Variants in GRIN2A observed in about 807,000 individuals in gnomAD.
GRIN2A encodes glutamate ionotropic receptor NMDA type subunit 2A.
Under a neutral mutation model 113.4 loss-of-function variants are expected in GRIN2A, and 22 were observed. The ratio of observed to expected loss-of-function variants is 0.19; its 90% CI spans 0.14 to 0.28. The LOEUF is 0.28. Among genes scored for constraint, GRIN2A ranks in the 10% least tolerant of loss-of-function variants. The pLI is 1.00. For synonymous variants in GRIN2A, 827 were observed against 738.4 expected, an observed-to-expected ratio of 1.12 and a Z score of -1.94; for missense variants, 1,502 against 1,887.0, an observed-to-expected ratio of 0.80 and a Z score of 3.78.
At chr16:9,813,080 G>A (rs543159651) in intron 10 of GRIN2A, among the ~76,000 whole-genome samples, 1 of 152,348 alleles carries the variant, frequency 6.6e-6, no homozygotes, top group Admixed American at 6.5e-5. Context: ...AAGCTGTCCT[G>A]TAATAACCGT....
intron 3 of GRIN2A, among the ~76,000 whole-genome samples, chr16:9,896,240 G>A (rs1405594215): frequency 2.6e-5 from 4 of 152,160 alleles, no homozygotes; most frequent in Non-Finnish European, 5.9e-5. Context: ...AGTAGAGACA[G>A]GGTTGCACCA....
chr16:9,962,657 T>C (rs552849186), intron 2 of GRIN2A, among the ~76,000 whole-genome samples: 110 of 152,302 alleles, frequency 7.2e-4, no homozygotes, highest in African/African-American at 2.6e-3. Flanking sequence ...ATTTTTACAC[T>C]GTTGGTGGGA....
chr16:10,100,147 C>T (rs8055814), intron 2 of GRIN2A, among the ~76,000 whole-genome samples: 12 of 152,160 alleles, frequency 7.9e-5, no homozygotes, highest in Non-Finnish European at 1.5e-4. Context: ...GCAGGTGAGA[C>T]GTGGGGCTCC....
At chr16:9,958,147 G>A (rs887906507) in intron 2 of GRIN2A, among the ~76,000 whole-genome samples, 1 of 152,164 alleles carries the variant, frequency 6.6e-6, no homozygotes, top group Non-Finnish European at 1.5e-5. Flanking sequence ...TTCTGCATAA[G>A]CGACTGTGAG....
At chr16:10,165,843 A>G (rs1215522288) in intron 2 of GRIN2A, among the ~76,000 whole-genome samples, 1 of 151,816 alleles carries the variant, frequency 6.6e-6, no homozygotes, top group South Asian at 2.1e-4. Context: ...AAGAGGAAAA[A>G]CTAGTATCAA....
chr16:9,780,992 ATC>A (rs1221589171), intron 11 of GRIN2A, among the ~76,000 whole-genome samples: 7 of 53,896 alleles, frequency 1.3e-4, no homozygotes, highest in Non-Finnish European at 2.5e-4. Context: ...GAGGTCACTA[ATC>A]TTTTTTTTTT....
chr16:9,959,699 C>T (rs2045392374), intron 2 of GRIN2A, among the ~76,000 whole-genome samples: 1 of 152,184 alleles, frequency 6.6e-6, no homozygotes, highest in Non-Finnish European at 1.5e-5. Flanking sequence ...ATTGGCCAGG[C>T]ATGGCGGCTC....
chr16:10,074,123 A>T (rs2047820674), intron 2 of GRIN2A, among the ~76,000 whole-genome samples: 1 of 152,246 alleles, frequency 6.6e-6, no homozygotes. Flanking sequence ...GCACATAAAA[A>T]TATGCTCAAT....
intron 3 of GRIN2A, among the ~76,000 whole-genome samples, chr16:9,914,426 T>C (rs181956547): frequency 1.1e-4 from 17 of 152,344 alleles, no homozygotes; most frequent in East Asian, 7.7e-4. Context: ...TAGTGTCTAA[T>C]AGAGTTAACT....
intron 2 of GRIN2A, among the ~76,000 whole-genome samples, chr16:10,030,477 T>G (rs2046908250): frequency 6.6e-6 from 1 of 152,282 alleles, no homozygotes; most frequent in South Asian, 2.1e-4. Flanking sequence ...GGTATTGGTT[T>G]TGGTCTCCTG....
chr16:9,939,059 G>A (rs978632221), intron 2 of GRIN2A, among the ~76,000 whole-genome samples: 1 of 152,068 alleles, frequency 6.6e-6, no homozygotes, highest in East Asian at 1.9e-4. Context: ...GTTTGAGTAG[G>A]GTTTCTGTCA....
At chr16:10,116,851 C>A (rs974091984) in intron 2 of GRIN2A, among the ~76,000 whole-genome samples, 6 of 152,100 alleles carry the variant, frequency 3.9e-5, no homozygotes, top group African/African-American at 1.2e-4. Flanking sequence ...TTATCCCCTG[C>A]CACTTCAGGT....
chr16:9,939,472 T>G (rs963331853), intron 2 of GRIN2A, among the ~76,000 whole-genome samples: 1 of 152,294 alleles, frequency 6.6e-6, no homozygotes, highest in East Asian at 1.9e-4. Flanking sequence ...GTAACTTATG[T>G]CAGGTTAAAG....
At chr16:9,873,308 A>G (rs778248586) in intron 4 of GRIN2A, among the ~76,000 whole-genome samples, 76 of 152,358 alleles carry the variant, frequency 5.0e-4, no homozygotes, top group Non-Finnish European at 9.4e-4. Context: ...CAATCTATGC[A>G]TGTAACAAAA....
intron 3 of GRIN2A, among the ~76,000 whole-genome samples, chr16:9,920,095 G>A (rs1460896285): frequency 6.6e-6 from 1 of 152,168 alleles, no homozygotes; most frequent in Non-Finnish European, 1.5e-5. Flanking sequence ...TAGAATAGGA[G>A]CTTTGAGCAG....
chr16:10,092,874 T>TC (rs1034449365), intron 2 of GRIN2A, among the ~76,000 whole-genome samples: 8 of 151,906 alleles, frequency 5.3e-5, no homozygotes, highest in Admixed American at 2.0e-4. Context: ...TTTTTTTTTT[T>TC]TTTTAACAGG....
chr16:10,072,941 A>AT (rs1555474389), intron 2 of GRIN2A, among the ~76,000 whole-genome samples: 109 of 113,860 alleles, frequency 9.6e-4, no homozygotes, highest in African/African-American at 3.2e-3. Context: ...CAGTGACAAG[A>AT]CCCCCTTTTT....
intron 3 of GRIN2A, among the ~76,000 whole-genome samples, chr16:9,902,289 G>A: frequency 6.6e-6 from 1 of 152,148 alleles, no homozygotes; most frequent in East Asian, 1.9e-4. Flanking sequence ...TACTGTAAAA[G>A]AAGGAGGTGA....
At chr16:10,056,971 C>T (rs1006629257) in intron 2 of GRIN2A, among the ~76,000 whole-genome samples, 4 of 152,018 alleles carry the variant, frequency 2.6e-5, no homozygotes, top group Non-Finnish European at 5.9e-5. Context: ...CTCTCCAACC[C>T]CCAGCCAGTA....
Sources: allele counts gnomAD v4.1 joint callset (sites outside exome capture counted in the v4.1 genomes callset), GRCh38; gene constraint gnomAD v4.1.1; transcripts MANE v1.5; gene names NCBI Gene and HGNC (gene_info 2026-07-23, HGNC 2026-07-21).